Variants in GRM5 observed in about 807,000 individuals in gnomAD.
GRM5 encodes the protein glutamate metabotropic receptor 5.
Under a neutral mutation model 83.1 loss-of-function variants are expected in GRM5, and 19 were observed. That is an observed-to-expected ratio of 0.23 (90% CI 0.16 to 0.34). The LOEUF (loss-of-function observed/expected upper bound fraction) is 0.34. Ranked by LOEUF, GRM5 falls within the 10% of genes least tolerant of loss-of-function variation. The pLI is 1.00. For missense variants in GRM5, 1,160 were observed against 1,588.3 expected (o/e 0.73, Z 4.58); for synonymous variants, 675 against 633.6 (o/e 1.07, Z -0.98).
intron 3 of GRM5, among the ~76,000 whole-genome samples, chr11:88,733,942 CTA>C (rs1334532840): frequency 6.6e-6 from 1 of 151,940 alleles, no homozygotes; most frequent in Non-Finnish European, 1.5e-5. Flanking sequence ...TTCTAGATCA[CTA>C]GTTTCCTGCT....
intron 7 of GRM5, among the ~76,000 whole-genome samples, chr11:88,576,344 T>C (rs1302532321): frequency 1.3e-5 from 2 of 152,148 alleles, no homozygotes; most frequent in Non-Finnish European, 2.9e-5. Flanking sequence ...TTACTAATTG[T>C]GTATTAGTAT....
At chr11:88,841,556 C>G (rs1188906876) in intron 3 of GRM5, among the ~76,000 whole-genome samples, 3 of 152,206 alleles carry the variant, frequency 2.0e-5, no homozygotes, top group African/African-American at 7.2e-5. Flanking sequence ...GCAAGGTTTT[C>G]ACATCTGCTG....
intron 3 of GRM5, among the ~76,000 whole-genome samples, chr11:88,756,062 G>C (rs954138574): frequency 3.9e-5 from 6 of 152,116 alleles, no homozygotes; most frequent in African/African-American, 1.4e-4. Context: ...GCCATTTTCT[G>C]TCTCTACATT....
chr11:88,776,573 G>A (rs921046346), intron 3 of GRM5, among the ~76,000 whole-genome samples: 1 of 152,154 alleles, frequency 6.6e-6, no homozygotes, highest in Non-Finnish European at 1.5e-5. Context: ...GCAGTGGCTT[G>A]TACTGGTTGT....
chr11:88,706,155 C>G (rs1220975914), intron 3 of GRM5, among the ~76,000 whole-genome samples: 2 of 152,030 alleles, frequency 1.3e-5, no homozygotes, highest in African/African-American at 4.8e-5. Flanking sequence ...CCTTACATAA[C>G]CCATCAAAGT....
chr11:88,799,872 C>T (rs914059339), intron 3 of GRM5, among the ~76,000 whole-genome samples: 13 of 152,072 alleles, frequency 8.5e-5, no homozygotes, highest in Admixed American at 2.6e-4. Context: ...CAGTAAAGCA[C>T]ATATCAATAA....
intron 2 of GRM5, among the ~76,000 whole-genome samples, chr11:89,045,976 G>A (rs926735533): frequency 6.6e-5 from 10 of 152,126 alleles, no homozygotes; most frequent in African/African-American, 2.4e-4. Flanking sequence ...CCACAGAGGA[G>A]GAGGTGATTT....
intron 4 of GRM5, among the ~76,000 whole-genome samples, chr11:88,651,322 C>T (rs1311902982): frequency 2.6e-5 from 4 of 151,886 alleles, no homozygotes; most frequent in South Asian, 4.2e-4. Flanking sequence ...AGGGTGCAGG[C>T]CAACTGGAAA....
chr11:88,981,483 G>T (rs1354305257), intron 2 of GRM5, among the ~76,000 whole-genome samples: 4 of 152,080 alleles, frequency 2.6e-5, no homozygotes. Context: ...TGATCTTTAT[G>T]CTATTTACAG....
At chr11:88,973,998 A>T (rs1939249334) in intron 2 of GRM5, among the ~76,000 whole-genome samples, 1 of 152,174 alleles carries the variant, frequency 6.6e-6, no homozygotes, top group African/African-American at 2.4e-5. Flanking sequence ...GGATTCAGAC[A>T]TTCAATATTC....
rs778670811 is a variant in GRM5 at position 88,549,150 on chromosome 11, A to G, written c.2630+17903T>C. On this transcript the variant is annotated intron_variant, in intron 8 of 9. Transcript: ENST00000305447. ...GGGAGATAAATTCAGGCATTAGTAG[A>G]GGCAGGAAGAATACCAAAGAAATGG... 2.2e-4 allele frequency among the ~76,000 whole-genome samples: 34 copies of G among 152,300 alleles called. 1 individual carries two copies. Among genetic ancestry groups the G allele is most frequent in the South Asian group, 8.3e-4 (4 of 4,826 alleles).
At chr11:88,944,881 A>C (rs1482878168) in intron 2 of GRM5, among the ~76,000 whole-genome samples, 1 of 151,986 alleles carries the variant, frequency 6.6e-6, no homozygotes, top group Non-Finnish European at 1.5e-5. Flanking sequence ...GCAACAGAGA[A>C]AAATAAAAGG....
At chr11:88,520,117 A>T (rs751744803) in intron 9 of GRM5, among the ~76,000 whole-genome samples, 6 of 152,150 alleles carry the variant, frequency 3.9e-5, no homozygotes, top group East Asian at 3.9e-4. Flanking sequence ...GGAAGAAAAA[A>T]AATTATACCT....
intron 7 of GRM5, among the ~76,000 whole-genome samples, chr11:88,573,346 C>T (rs77334387): frequency 5.4e-4 from 82 of 152,280 alleles, no homozygotes; most frequent in African/African-American, 1.9e-3. Flanking sequence ...ACAGCTGGTA[C>T]TCATGCTTAG....
intron 2 of GRM5, among the ~76,000 whole-genome samples, chr11:88,932,586 G>C (rs1341529214): frequency 3.3e-5 from 5 of 151,688 alleles, no homozygotes; most frequent in Admixed American, 3.3e-4. Context: ...AAAATAAGCA[G>C]GTTTTATATC....
Position 88,658,185 on chromosome 11 carries a change from C to T in GRM5, c.912-4782G>A, listed in dbSNP as rs76901537. ...AACTGTACACGTGAGGGAGCTAGGT[C>T]GTGCGCTTCTTATGAGATGGAACAG... On this transcript the variant is annotated intron_variant, in intron 3 of 9. Transcript: ENST00000305447. Among the ~76,000 whole-genome samples the T allele has an allele frequency of 4.3e-3, 661 of 152,196 alleles. 14 individuals are homozygous for T. The highest frequency in any genetic ancestry group is 0.034 in the East Asian group (176 of 5,170).
At position 88,639,336 on chromosome 11, in the gene GRM5, T is replaced by C. The variant is rs184223547; in HGVS notation, c.1147+13832A>G. On this transcript the variant is annotated intron_variant, in intron 4 of 9. Transcript: ENST00000305447. Reference sequence around the variant, plus strand: ...CTGTGCTCTACAAACTCTAGCTTTGTTGACCTCTCTAAACTCAATTCCATT... The same window carrying C: ...CTGTGCTCTACAAACTCTAGCTTTGCTGACCTCTCTAAACTCAATTCCATT... Among the ~76,000 whole-genome samples the C allele has an allele frequency of 3.9e-4, 60 of 152,262 alleles. 1 individual carries two copies. In the East Asian group the frequency reaches 0.011, roughly 28 times the overall value.
At chr11:88,703,868 C>T (rs1197089882) in intron 3 of GRM5, among the ~76,000 whole-genome samples, 1 of 152,040 alleles carries the variant, frequency 6.6e-6, no homozygotes, top group East Asian at 1.9e-4. Context: ...CCTCATCAAC[C>T]CTTCCAATAC....
chr11:88,570,823 T>A (rs1942983839), intron 7 of GRM5, among the ~76,000 whole-genome samples: 1 of 151,554 alleles, frequency 6.6e-6, no homozygotes, highest in African/African-American at 2.4e-5. Context: ...TTCCTCGGCC[T>A]CTCAAAGTGC....
Sources: allele counts gnomAD v4.1 joint callset (sites outside exome capture counted in the v4.1 genomes callset), GRCh38; gene constraint gnomAD v4.1.1; transcripts MANE v1.5; gene names NCBI Gene and HGNC (gene_info 2026-07-23, HGNC 2026-07-21).